The following TRDN variants were observed in gnomAD, a reference collection of about 807,000 sequenced individuals.
The protein encoded by TRDN is triadin in skeletal muscle.
TRDN carries 161 observed loss-of-function variants against 149.7 expected under a neutral mutation model. The observed-to-expected ratio is 1.08, with a 90% CI of 0.95 to 1.23. TRDN has a LOEUF of 1.23. Ranked by LOEUF, TRDN falls within the 50% of genes most tolerant of loss-of-function variation. The pLI, the probability that TRDN is intolerant of heterozygous loss-of-function variation, is 0.00. For missense variants in TRDN, 896 were observed against 823.5 expected, an observed-to-expected ratio of 1.09 and a Z score of -1.08; for synonymous variants, 294 against 250.5, an observed-to-expected ratio of 1.17 and a Z score of -1.64.
At chr6:123,342,094 C>A (rs1027186824) in intron 21 of TRDN, among the ~76,000 whole-genome samples, 3 of 151,892 alleles carry the variant, frequency 2.0e-5, no homozygotes. Context: ...TTCATATATA[C>A]ACACTTTGAT....
chr6:123,225,459 A>G (rs1775318349), intron 38 of TRDN, among the ~76,000 whole-genome samples: 1 of 151,652 alleles, frequency 6.6e-6, no homozygotes, highest in South Asian at 2.1e-4. Context: ...TATCAAATAT[A>G]TTGTATGCTT....
At chr6:123,266,084 A>G (rs1776942280) in intron 32 of TRDN, among the ~76,000 whole-genome samples, 1 of 129,958 alleles carries the variant, frequency 7.7e-6, no homozygotes, top group Non-Finnish European at 1.6e-5. Context: ...TTGTGTTTAT[A>G]TATATTATAT....
At chr6:123,289,169 G>A (rs139653468) in intron 24 of TRDN, among the ~76,000 whole-genome samples, 6 of 145,556 alleles carry the variant, frequency 4.1e-5, no homozygotes, top group South Asian at 2.2e-4. Flanking sequence ...ATACACACAC[G>A]TACACACACA....
At chr6:123,301,078 G>A (rs982735738) in intron 24 of TRDN, among the ~76,000 whole-genome samples, 18 of 151,974 alleles carry the variant, frequency 1.2e-4, no homozygotes, top group Middle Eastern at 3.4e-3. Flanking sequence ...AAGGAATATG[G>A]AGTCTATTGT....
At chr6:123,329,759 A>G (rs1779592800) in intron 23 of TRDN, among the ~76,000 whole-genome samples, 1 of 152,120 alleles carries the variant, frequency 6.6e-6, no homozygotes, top group Non-Finnish European at 1.5e-5. Flanking sequence ...AAAAATAAAA[A>G]TGACTAATTA....
chr6:123,366,549 C>T (rs574616618), intron 19 of TRDN, among the ~76,000 whole-genome samples: 3 of 151,964 alleles, frequency 2.0e-5, no homozygotes, highest in Admixed American at 2.0e-4. Context: ...CGGAGATTGG[C>T]TCTTGTTGCC....
Position 123,271,172 on chromosome 6 carries a change from T to C in TRDN, c.1687A>G (p.Lys563Glu), listed in dbSNP as rs1173741598. 2 of 1,540,742 alleles carry C rather than the reference T, an allele frequency of 1.3e-6. No individual in the cohort carries two copies. The highest frequency in any genetic ancestry group is 2.4e-5 in the East Asian group (1 of 41,818). ...TCTATTGTGACAGCTTTTACCTGCT[T>C]GAGAACTTTTTCTTCTGTGATAGGA... ...SHGKPEEKVL[K>E]QVKAVTIEKT... Residue 563 changes from lysine (K) to glutamate (E), a missense_variant, in exon 30 of 41, where the codon AAG becomes GAG. Physicochemically the swap from Lys to Glu is moderately conservative, Grantham distance 56. Transcript: ENST00000334268.
chr6:123,355,528 A>C (rs977807038), intron 20 of TRDN, among the ~76,000 whole-genome samples: 2 of 151,730 alleles, frequency 1.3e-5, no homozygotes, highest in Non-Finnish European at 3.0e-5. Flanking sequence ...GTTTAAGATA[A>C]TTCTTGATAT....
At chr6:123,450,717 A>G (rs138702404) in intron 10 of TRDN, among the ~76,000 whole-genome samples, 2,261 of 152,220 alleles carry the variant, frequency 0.015, 33 homozygotes, top group Non-Finnish European at 0.019. Flanking sequence ...ACAAAGAAAC[A>G]ATGGATTTAA....
chr6:123,278,703 G>A (rs1436615406), intron 25 of TRDN, among the ~76,000 whole-genome samples: 2 of 152,214 alleles, frequency 1.3e-5, no homozygotes, highest in East Asian at 3.9e-4. Flanking sequence ...CTGGTAGGCA[G>A]AGGTTGCAGT....
chr6:123,352,247 C>A, intron 21 of TRDN: 2 of 984,710 alleles, frequency 2.0e-6, no homozygotes, highest in Non-Finnish European at 2.4e-6. Context: ...TACCAGTTAC[C>A]CTGGATCATT....
intron 2 of TRDN, among the ~76,000 whole-genome samples, chr6:123,555,689 A>C (rs1781617761): frequency 6.6e-6 from 1 of 152,178 alleles, no homozygotes; most frequent in Non-Finnish European, 1.5e-5. Flanking sequence ...TCCACACAGA[A>C]GCATTTTAAG....
intron 1 of TRDN, among the ~76,000 whole-genome samples, chr6:123,636,335 G>A (rs1350124598): frequency 1.3e-5 from 2 of 151,920 alleles, no homozygotes; most frequent in African/African-American, 2.4e-5. Context: ...TACTTTTTAA[G>A]TTTAAGTAAG....
At chr6:123,444,417 T>G (rs1227053423) in intron 10 of TRDN, among the ~76,000 whole-genome samples, 14 of 144,612 alleles carry the variant, frequency 9.7e-5, no homozygotes, top group Non-Finnish European at 1.6e-4. Flanking sequence ...AAGGAGATTT[T>G]GGGCTGAGAC....
intron 24 of TRDN, among the ~76,000 whole-genome samples, chr6:123,304,037 C>G (rs1003438424): frequency 1.3e-5 from 2 of 151,932 alleles, no homozygotes. Context: ...GTAAATGACT[C>G]AGAAGTTTAA....
chr6:123,506,661 G>A (rs1046363709), intron 7 of TRDN, among the ~76,000 whole-genome samples: 1 of 151,814 alleles, frequency 6.6e-6, no homozygotes, highest in Non-Finnish European at 1.5e-5. Flanking sequence ...GCTAATTTTT[G>A]TATTTTTAGT....
At chr6:123,271,485 C>T (rs1582805688) in intron 29 of TRDN, among the ~76,000 whole-genome samples, 1 of 151,648 alleles carries the variant, frequency 6.6e-6, no homozygotes, top group Non-Finnish European at 1.5e-5. Flanking sequence ...ATTTATCTGC[C>T]CAGAGGTACT....
At chr6:123,464,593 T>C in intron 10 of TRDN, 1 of 1,046,098 alleles carries the variant, frequency 9.6e-7, no homozygotes, top group South Asian at 4.2e-5. Context: ...GATCAAGTTG[T>C]GGTAAAACTC....
Position 123,622,241 on chromosome 6 carries a change from T to C in TRDN, c.22+14513A>G, listed in dbSNP as rs1256819388. On this transcript the variant is annotated intron_variant, in intron 1 of 40. Coordinates refer to ENST00000334268, the MANE Select transcript of TRDN (RefSeq NM_006073.4). ...TACTAAATATATTTTATCTTCTTTA[T>C]GATTTTCTTAAAAAACATTTTCCTT... Among the ~76,000 whole-genome samples the C allele has an allele frequency of 3.3e-5, 5 of 152,206 alleles. No homozygotes were observed. The East Asian group carries it at 7.7e-4, about 24-fold the overall frequency.
Sources: gnomAD v4.1 joint callset for allele counts (sites outside exome capture counted in the v4.1 genomes callset) on GRCh38, gnomAD v4.1.1 for gene constraint, MANE v1.5 for transcripts, NCBI Gene and HGNC (gene_info 2026-07-23, HGNC 2026-07-21) for gene names.